The following CFAP299 variants were observed in gnomAD, a reference collection of about 807,000 sequenced individuals.
CFAP299 encodes the protein cilia and flagella associated protein 299.
CFAP299 carries 21 observed loss-of-function variants against 27.0 expected under a neutral mutation model. The observed-to-expected ratio is 0.78, with a 90% confidence interval of 0.55 to 1.12. The LOEUF (loss-of-function observed/expected upper bound fraction) is 1.12, where lower values mean the gene tolerates loss of function less well. CFAP299 is among the 50% of genes most tolerant of loss of function. The pLI, the probability that CFAP299 is intolerant of heterozygous loss-of-function variation, is 0.00. For synonymous variants in CFAP299, 104 were observed against 98.1 expected, an observed-to-expected ratio of 1.06 and a Z score of -0.36; for missense variants, 310 against 276.6, an observed-to-expected ratio of 1.12 and a Z score of -0.86.
At chr4:80,561,629 G>A (rs1224481318) in intron 2 of CFAP299, among the ~76,000 whole-genome samples, 1 of 151,934 alleles carries the variant, frequency 6.6e-6, no homozygotes, top group East Asian at 1.9e-4. Flanking sequence ...AAAGAATCAA[G>A]CAGAAATTCT....
intron 2 of CFAP299, among the ~76,000 whole-genome samples, chr4:80,375,864 A>G (rs1332372712): frequency 2.6e-5 from 4 of 152,242 alleles, no homozygotes; most frequent in Non-Finnish European, 5.9e-5. Flanking sequence ...TGAGGCTGAC[A>G]AAGAAAGAGT....
chr4:80,350,017 G>T (rs1722942858), intron 1 of CFAP299, among the ~76,000 whole-genome samples: 1 of 152,080 alleles, frequency 6.6e-6, no homozygotes, highest in South Asian at 2.1e-4. Context: ...AGTTTAGAAA[G>T]GAAGTTGAAA....
chr4:80,695,069 T>C (rs1354367469), intron 3 of CFAP299, among the ~76,000 whole-genome samples: 1 of 152,136 alleles, frequency 6.6e-6, no homozygotes, highest in Non-Finnish European at 1.5e-5. Context: ...TTTTAAAAAA[T>C]GAAGTAGGTA....
intron 3 of CFAP299, among the ~76,000 whole-genome samples, chr4:80,699,652 G>A (rs749003409): frequency 1.3e-5 from 2 of 152,092 alleles, no homozygotes; most frequent in Non-Finnish European, 2.9e-5. Context: ...CCTATAACTA[G>A]GGCATTTTTA....
At chr4:80,650,571 G>A (rs890293030) in intron 3 of CFAP299, among the ~76,000 whole-genome samples, 3 of 152,052 alleles carry the variant, frequency 2.0e-5, no homozygotes, top group Non-Finnish European at 4.4e-5. Context: ...TAACCATGGG[G>A]ATGAACTACC....
intron 2 of CFAP299, chr4:80,387,090 T>C (rs977825722): frequency 6.9e-7 from 1 of 1,446,698 alleles, no homozygotes; most frequent in Non-Finnish European, 9.7e-7. Flanking sequence ...GGTCTGCAGG[T>C]GATGCTCCAG....
In CFAP299 at chr4:80,449,279, TAA is replaced by T. The variant is rs374682270; in HGVS notation, c.242+86396_242+86397del. On this transcript the variant is annotated intron_variant, in intron 2 of 5. Transcript: ENST00000358105. ...TATATGTAAGTACAACTAAAAATCTTAAGTTTTTCTTAGAAATTATTTTGCTC... is the reference window on the plus strand; with the variant it reads ...TATATGTAAGTACAACTAAAAATCTTGTTTTTCTTAGAAATTATTTTGCTC... Among the ~76,000 whole-genome samples the T allele has an allele frequency of 2.4e-4, 37 of 151,794 alleles. No individual in the cohort carries two copies. In the East Asian group the frequency reaches 7.1e-3, roughly 29 times the overall value.
intron 3 of CFAP299, among the ~76,000 whole-genome samples, chr4:80,799,176 ATT>A (rs1195362386): frequency 2.0e-4 from 25 of 123,286 alleles, no homozygotes; most frequent in South Asian, 2.3e-4. Context: ...ATTTATATAT[ATT>A]GTATAAATAT....
intron 5 of CFAP299, among the ~76,000 whole-genome samples, chr4:80,951,732 C>T (rs1365661874): frequency 1.3e-5 from 2 of 152,192 alleles, no homozygotes; most frequent in East Asian, 3.8e-4. Flanking sequence ...CACTGCTTTA[C>T]ACAGTACTAT....
intron 3 of CFAP299, among the ~76,000 whole-genome samples, chr4:80,800,504 TTATATAA>T (rs1728444533): frequency 4.0e-4 from 1 of 2,470 alleles, no homozygotes; most frequent in African/African-American, 7.8e-4. Flanking sequence ...ATATAATATA[TTATATAA>T]TATATAATAT....
intron 3 of CFAP299, among the ~76,000 whole-genome samples, chr4:80,749,685 G>A (rs947371097): frequency 3.9e-5 from 6 of 152,280 alleles, no homozygotes; most frequent in Admixed American, 2.6e-4. Context: ...GACGTTTGAG[G>A]GCAGGAAGCA....
intron 2 of CFAP299, among the ~76,000 whole-genome samples, chr4:80,571,499 TAAGC>T (rs1478604831): frequency 6.6e-6 from 1 of 152,042 alleles, no homozygotes; most frequent in Non-Finnish European, 1.5e-5. Flanking sequence ...AAAGAAGTAA[TAAGC>T]AAGAAAGTGT....
In CFAP299 at chr4:80,884,681, A is replaced by C. The variant is rs1161225897; in HGVS notation, c.476+14546A>C. Among the ~76,000 whole-genome samples, 5 of 150,744 alleles carry C rather than the reference A, an allele frequency of 3.3e-5. No homozygotes were observed. In the East Asian group the frequency reaches 9.7e-4, roughly 29 times the overall value. On this transcript the variant is annotated intron_variant, in intron 4 of 5. Coordinates refer to ENST00000358105, the MANE Select transcript of CFAP299 (RefSeq NM_152770.3). Reference sequence around the variant, plus strand: ...AAAAAAAAAAAAATAGAAAAGAGCAACGAAACTAAGAGCTAATTTTTTATA... The same window carrying C: ...AAAAAAAAAAAAATAGAAAAGAGCACCGAAACTAAGAGCTAATTTTTTATA...
chr4:80,534,829 G>A (rs574470649), intron 2 of CFAP299, among the ~76,000 whole-genome samples: 1 of 152,070 alleles, frequency 6.6e-6, no homozygotes, highest in Non-Finnish European at 1.5e-5. Flanking sequence ...GAGTGTAAAT[G>A]AATTTTCTTG....
intron 3 of CFAP299, among the ~76,000 whole-genome samples, chr4:80,687,854 G>A (rs900475064): frequency 6.6e-6 from 1 of 152,212 alleles, no homozygotes; most frequent in Non-Finnish European, 1.5e-5. Flanking sequence ...GCCGAAGCAG[G>A]GCGAGGCATT....
rs1338067394 is a variant in CFAP299, at chr4:80,359,288, TTATG to T, written c.112-3462_112-3459del. 3.3e-5 allele frequency among the ~76,000 whole-genome samples: 5 copies of T among 152,306 alleles called. No individual in the cohort carries two copies. The East Asian group carries it at 7.7e-4, about 24-fold the overall frequency. On this transcript the variant is annotated intron_variant, in intron 1 of 5. Transcript: ENST00000358105. ...ATTTTAATCTTGGAGAATCTGATGA[TTATG>T]TATCTTGGAGATGATCTTCTTGTGA...
At chr4:80,613,177 T>C (rs1226227652) in intron 3 of CFAP299, among the ~76,000 whole-genome samples, 3 of 152,116 alleles carry the variant, frequency 2.0e-5, no homozygotes, top group African/African-American at 7.2e-5. Context: ...CTTAACTCAG[T>C]GGTAAATGTC....
chr4:80,956,102 C>T (rs76492557), intron 5 of CFAP299, among the ~76,000 whole-genome samples: 3,109 of 152,254 alleles, frequency 0.02, 114 homozygotes, highest in East Asian at 0.14. Context: ...TGCTTTCCCT[C>T]CGGTTTAATT....
chr4:80,614,194 T>C (rs1201947672), intron 3 of CFAP299, among the ~76,000 whole-genome samples: 1 of 152,210 alleles, frequency 6.6e-6, no homozygotes, highest in East Asian at 1.9e-4. Flanking sequence ...GAAATAATGC[T>C]ATTTTTTTCT....
Sources: gnomAD v4.1 joint callset for allele counts (sites outside exome capture counted in the v4.1 genomes callset) on GRCh38, gnomAD v4.1.1 for gene constraint, MANE v1.5 for transcripts, NCBI Gene and HGNC (gene_info 2026-07-23, HGNC 2026-07-21) for gene names.